POU2F2: variants seen among roughly 807,000 people sequenced by gnomAD.
POU2F2 encodes POU domain, class 2, transcription factor 2.
A neutral mutation model predicts 63.5 loss-of-function variants in POU2F2; 14 were observed. The ratio of observed to expected loss-of-function variants is 0.22; its 90% confidence interval spans 0.15 to 0.34. The LOEUF (loss-of-function observed/expected upper bound fraction) is 0.34. Among genes scored for constraint, POU2F2 ranks in the 10% least tolerant of loss-of-function variants. POU2F2 has a pLI of 1.00. For missense variants in POU2F2, 607 were observed against 815.2 expected, an observed-to-expected ratio of 0.74 and a Z score of 3.11; for synonymous variants, 306 against 348.6, an observed-to-expected ratio of 0.88 and a Z score of 1.36.
At chr19:42,196,989 C>T (rs1250950542), upstream of POU2F2, among the ~76,000 whole-genome samples, 1 of 152,198 alleles carries the variant, frequency 6.6e-6, no homozygotes, top group Non-Finnish European at 1.5e-5. Flanking sequence ...TGTGTCCAGC[C>T]TTGAGGTGGG....
At chr19:42,174,465 T>C (rs1172206298) in intron 1 of POU2F2, among the ~76,000 whole-genome samples, 2 of 151,908 alleles carry the variant, frequency 1.3e-5, no homozygotes, top group African/African-American at 2.4e-5. Context: ...AATGCACACA[T>C]AGCGAGTGAT....
At chr19:42,124,588 G>A (rs1453471204) in intron 1 of POU2F2, among the ~76,000 whole-genome samples, 5 of 152,284 alleles carry the variant, frequency 3.3e-5, no homozygotes, top group East Asian at 1.9e-4. Context: ...AAAGAAACAC[G>A]TGTCCTGCCC....
At chr19:42,188,226 C>G (rs899270589) in intron 1 of POU2F2, among the ~76,000 whole-genome samples, 4 of 151,702 alleles carry the variant, frequency 2.6e-5, no homozygotes, top group Non-Finnish European at 4.4e-5. Flanking sequence ...ATTAGCCAGG[C>G]GTGGTGGTGC....
upstream of POU2F2, chr19:42,134,462 G>C (rs2033952816): frequency 6.6e-6 from 1 of 152,498 alleles, no homozygotes; most frequent in Non-Finnish European, 1.5e-5. Context: ...TCCATTCTCA[G>C]TGCCTCAGAC....
Position 42,096,279 on chromosome 19 carries a change from G to T in POU2F2, c.568-36C>A, listed in dbSNP as rs1201322219. ...GGGCAGGTGGGTGGGATGCAGGGCG[G>T]AGGACCAGGATGGGGCTCAGCGATG... On this transcript the variant is annotated intron_variant, in intron 7 of 14. Coordinates refer to ENST00000692977, the MANE Select transcript of POU2F2 (RefSeq NM_001394376.1). This position sits in a 1 kb window ranked among gnomAD's most constrained non-coding sequence, Gnocchi z 4.1. 1 of 1,510,414 alleles carries T rather than the reference G, an allele frequency of 6.6e-7. No homozygotes were observed. Among genetic ancestry groups the T allele is most frequent in the South Asian group, 1.3e-5 (1 of 76,900 alleles). 93.6% of individuals were successfully genotyped at this position (1,510,414 alleles called of 1,614,324 possible).
In POU2F2 at chr19:42,115,276, G is replaced by A. The variant is rs78836182; in HGVS notation, c.369+1974C>T. ...GGCAGGTTATCAGCTCAGTGTTAAG[G>A]AAAGTCCCAAATGGGAGCATTGGCC... On this transcript the variant is annotated intron_variant, in intron 5 of 14. Coordinates refer to ENST00000692977, the MANE Select transcript of POU2F2 (RefSeq NM_001394376.1). Among the ~76,000 whole-genome samples the A allele has an allele frequency of 4.0e-3, 602 of 152,298 alleles. 2 individuals carry two copies. The highest frequency in any genetic ancestry group is 7.5e-3 in the Admixed American group (114 of 15,290).
intron 2 of POU2F2, among the ~76,000 whole-genome samples, chr19:42,159,101 A>G (rs2034508346): frequency 6.6e-6 from 1 of 152,192 alleles, no homozygotes; most frequent in Non-Finnish European, 1.5e-5. Flanking sequence ...CTAGGTATCT[A>G]TGGGCCAAAG....
upstream of POU2F2, chr19:42,133,103 C>G (rs1036239640): frequency 6.6e-6 from 1 of 152,258 alleles, no homozygotes; most frequent in African/African-American, 2.4e-5. This position sits in a 1 kb window ranked among gnomAD's most constrained non-coding sequence, Gnocchi z 5.1. Context: ...GGGTCGGGGA[C>G]TTGGCCTGGG....
rs989281579 is a variant in POU2F2 at position 42,087,078 on chromosome 19, A to C, written c.*4179T>G. ...TTTTTGTGTATTTTTTTTTATTTTT[A>C]TTTTTAATTTTTTTTCACTTTTTTT... On this transcript the variant is annotated 3_prime_UTR_variant, in exon 15 of 15. Coordinates refer to ENST00000692977, the MANE Select transcript of POU2F2 (RefSeq NM_001394376.1). The C allele has an allele frequency of 7.0e-6, 1 of 142,554 alleles. No homozygotes were observed. The highest frequency in any genetic ancestry group is 2.1e-4 in the East Asian group (1 of 4,752). 8.8% of individuals were successfully genotyped at this position (142,554 alleles called of 1,614,324 possible).
intron 1 of POU2F2, among the ~76,000 whole-genome samples, chr19:42,194,115 G>A (rs1014849396): frequency 7.2e-5 from 11 of 152,134 alleles, no homozygotes; most frequent in Admixed American, 5.2e-4. Context: ...AAAGCAAGGC[G>A]GTGGCTCATG....
rs1407723243 is a variant in POU2F2 at position 42,153,669 on chromosome 19, G to A, written c.-9+6663C>T. The stretch of plus-strand genomic sequence containing the variant: ...CCATGCGGTTTCTCTGTGTGTCTAT[G>A]TGATGCTGTGTGTCCCTGTGTGCCG... On this transcript the variant is annotated intron_variant, in intron 2 of 6. Transcript: ENST00000524801. This position sits in a 1 kb window ranked among gnomAD's most constrained non-coding sequence, Gnocchi z 5.6. Among the ~76,000 whole-genome samples, 1 of 152,178 alleles carries A rather than the reference G, an allele frequency of 6.6e-6. No homozygotes were observed. The highest frequency in any genetic ancestry group is 1.9e-4 in the East Asian group (1 of 5,186).
In POU2F2 at chr19:42,169,471, A is replaced by C. The variant is rs2034714836; in HGVS notation, c.-70+6492T>G. Among the ~76,000 whole-genome samples the C allele has an allele frequency of 6.6e-6, 1 of 151,856 alleles. No individual in the cohort carries two copies. Among genetic ancestry groups the C allele is most frequent in the Non-Finnish European group, 1.5e-5 (1 of 67,914 alleles). On this transcript the variant is annotated intron_variant, in intron 1 of 6. Coordinates refer to the POU2F2 transcript ENST00000524801. The surrounding 1 kb of genome is among the most constrained non-coding windows in gnomAD (Gnocchi z 4.3). ...CCCTGTTTCCAAACCTGGTGTGTCCATTTTGGCATCTCTGTGGACAAATAT... is the reference window on the plus strand; with the variant it reads ...CCCTGTTTCCAAACCTGGTGTGTCCCTTTTGGCATCTCTGTGGACAAATAT...
intron 1 of POU2F2, among the ~76,000 whole-genome samples, chr19:42,188,819 AAGAG>A (rs531343045): frequency 7.4e-5 from 11 of 147,812 alleles, no homozygotes; most frequent in African/African-American, 2.2e-4. Flanking sequence ...AAGAAAGAAA[AAGAG>A]AGAGGAAGAA....
intron 2 of POU2F2, among the ~76,000 whole-genome samples, chr19:42,148,827 C>T (rs2034284275): frequency 7.0e-6 from 1 of 143,384 alleles, no homozygotes; most frequent in African/African-American, 2.6e-5. Flanking sequence ...AAGCAATGAA[C>T]CAGACACCAG....
upstream of POU2F2, chr19:42,132,877 G>A (rs1414437066): frequency 6.2e-6 from 1 of 161,944 alleles, no homozygotes; most frequent in African/African-American, 2.4e-5. Context: ...CCAATGTGGT[G>A]GTCACTCTTA....
chr19:42,166,561 C>A (rs1238235014), intron 1 of POU2F2, among the ~76,000 whole-genome samples: 1 of 152,146 alleles, frequency 6.6e-6, no homozygotes, highest in Non-Finnish European at 1.5e-5. Context: ...GGTCTCCCCT[C>A]CTTTGTGTCT....
chr19:42,194,098 T>C (rs1020496866), intron 1 of POU2F2, among the ~76,000 whole-genome samples: 2 of 152,012 alleles, frequency 1.3e-5, no homozygotes, highest in African/African-American at 4.8e-5. Context: ...AACTAGAAAA[T>C]TGAAGAAAAG....
At chr19:42,109,936 T>G (rs2030799053) in intron 5 of POU2F2, among the ~76,000 whole-genome samples, 1 of 152,206 alleles carries the variant, frequency 6.6e-6, no homozygotes, top group Non-Finnish European at 1.5e-5. Flanking sequence ...CATAAATATA[T>G]ACAATGATTA....
intron 11 of POU2F2, 23 bp from the exon 12 acceptor site, chr19:42,093,918 G>A (rs373047244): frequency 6.9e-6 from 11 of 1,597,624 alleles, no homozygotes; most frequent in Admixed American, 1.7e-5. Flanking sequence ...GAAAGGAGGT[G>A]TGGTTAGCCA....
Sources: gnomAD v4.1 joint callset for allele counts (sites outside exome capture counted in the v4.1 genomes callset) on GRCh38, gnomAD v4.1.1 for gene constraint, Gnocchi (gnomAD v3.1) non-coding constraint, MANE v1.5 for transcripts, NCBI Gene and HGNC (gene_info 2026-07-23, HGNC 2026-07-21) for gene names.